The following FRS2 variants were observed in gnomAD, a reference collection of about 807,000 sequenced individuals.
FRS2 encodes the protein FGFR signalling adaptor.
In FRS2, 8 loss-of-function variants were observed where a neutral mutation model predicts 43.9. That is an observed-to-expected ratio of 0.18 (90% confidence interval 0.11 to 0.33). FRS2 has a LOEUF of 0.33. FRS2 is among the 10% of genes least tolerant of loss of function. The pLI is 1.00. For synonymous variants in FRS2, 219 were observed against 220.3 expected (o/e 0.99, Z 0.05); for missense variants, 534 against 627.6 (o/e 0.85, Z 1.59).
intron 8 of FRS2, among the ~76,000 whole-genome samples, chr12:69,572,517 C>G (rs1440844377): frequency 1.3e-5 from 2 of 152,148 alleles, no homozygotes; most frequent in Admixed American, 1.3e-4. Flanking sequence ...AGAGGTACAT[C>G]TATAGATTAA....
chr12:69,553,758 G>A (rs1879108367), intron 3 of FRS2, among the ~76,000 whole-genome samples: 1 of 152,218 alleles, frequency 6.6e-6, no homozygotes. Flanking sequence ...GTAGGTGGTA[G>A]GGAGGTGTTA....
chr12:69,534,230 A>G (rs898520496), intron 3 of FRS2, among the ~76,000 whole-genome samples: 1 of 152,240 alleles, frequency 6.6e-6, no homozygotes. Flanking sequence ...TGAACGTAAT[A>G]CACAAAAATG....
At chr12:69,526,598 A>T (rs1392338558) in intron 1 of FRS2, among the ~76,000 whole-genome samples, 1 of 152,236 alleles carries the variant, frequency 6.6e-6, no homozygotes, top group African/African-American at 2.4e-5. Flanking sequence ...AAATTAGGAA[A>T]ATTAATAGAA....
chr12:69,574,758 G>T lies in FRS2; in HGVS notation c.1330G>T (p.Gly444Cys). The change falls in exon 9 of 9, where the codon GGC becomes TGC. Residue 444 changes from glycine to cysteine, a missense_variant. Physicochemically the swap from Gly to Cys is radical, Grantham distance 159. Transcript: ENST00000549921. ...LNYIQVDLEG[G>C]SDSDNPQTPK... ...TTACATACAGGTTGACTTGGAAGGT[G>T]GCAGTGACTCTGACAACCCTCAGAC... The T allele has an allele frequency of 6.2e-7, 1 of 1,614,152 alleles. No homozygotes were observed. Among genetic ancestry groups the T allele is most frequent in the Non-Finnish European group, 8.5e-7 (1 of 1,180,020 alleles).
At chr12:69,551,679 G>A (rs1353117688) in intron 3 of FRS2, among the ~76,000 whole-genome samples, 1 of 151,876 alleles carries the variant, frequency 6.6e-6, no homozygotes, top group Non-Finnish European at 1.5e-5. Flanking sequence ...CCAGCAGTCT[G>A]CATTATGAGA....
chr12:69,539,471 A>C lies in FRS2; in HGVS notation c.-122+7415A>C, dbSNP rs536324618. On this transcript the variant is annotated intron_variant, in intron 3 of 8. Transcript: ENST00000549921. ...AGTCTAAACACAAAATTTATGTTTC[A>C]TATATGCCTTTACACATAGCCTGAA... Among the ~76,000 whole-genome samples the C allele has an allele frequency of 7.2e-5, 11 of 152,318 alleles. No homozygotes were observed. In the South Asian group the frequency reaches 1.2e-3, roughly 17 times the overall value.
At chr12:69,486,507 C>T (rs1871964040) in intron 1 of FRS2, among the ~76,000 whole-genome samples, 2 of 152,074 alleles carry the variant, frequency 1.3e-5, no homozygotes, top group Admixed American at 1.3e-4. Context: ...TTTCCTGAGA[C>T]CCTAAATATT....
chr12:69,484,886 C>T (rs1355220946), intron 1 of FRS2, among the ~76,000 whole-genome samples: 1 of 152,038 alleles, frequency 6.6e-6, no homozygotes, highest in Non-Finnish European at 1.5e-5. Context: ...TTTTACTTTT[C>T]TGTGTGTTTT....
intron 3 of FRS2, among the ~76,000 whole-genome samples, chr12:69,549,744 C>T (rs1479900953): frequency 3.9e-5 from 6 of 152,304 alleles, no homozygotes. Flanking sequence ...TTCCATATTG[C>T]TAAATATTTT....
At chr12:69,537,858 C>T (rs1877461746) in intron 3 of FRS2, 1 of 152,520 alleles carries the variant, frequency 6.6e-6, no homozygotes, top group East Asian at 1.9e-4. Context: ...GCCTTTTCAT[C>T]CTTTTTCGTC....
chr12:69,557,631 C>CGCGT (rs1555192588), intron 3 of FRS2, among the ~76,000 whole-genome samples: 1 of 121,004 alleles, frequency 8.3e-6, no homozygotes, highest in Non-Finnish European at 1.8e-5. Flanking sequence ...CGCGCGCGCG[C>CGCGT]GCGCGCAGGT....
At chr12:69,517,639 TA>T (rs113441186) in intron 1 of FRS2, among the ~76,000 whole-genome samples, 55,856 of 151,968 alleles carry the variant, frequency 0.37, 10,662 homozygotes, top group South Asian at 0.57. Context: ...AAAGGGCACA[TA>T]GGCCATTTCT....
At chr12:69,555,760 GAACA>G (rs1452430001) in intron 3 of FRS2, among the ~76,000 whole-genome samples, 2 of 152,156 alleles carry the variant, frequency 1.3e-5, no homozygotes, top group Admixed American at 6.5e-5. Context: ...TGACTATACA[GAACA>G]AACATTTTTA....
chr12:69,496,288 T>G (rs924767620), intron 1 of FRS2, among the ~76,000 whole-genome samples: 3 of 151,996 alleles, frequency 2.0e-5, no homozygotes, highest in African/African-American at 7.3e-5. Flanking sequence ...TACAAAAAAA[T>G]TAGCCGGGCG....
rs3201 is a variant in FRS2 at position 69,579,612 on chromosome 12, T to C, written c.*4657T>C. On this transcript the variant is annotated 3_prime_UTR_variant, in exon 9 of 9. Coordinates refer to ENST00000549921, the MANE Select transcript of FRS2 (RefSeq NM_001278356.2). ...GTCATTCTAGCATAAATATCCATAA[T>C]GAGGTACTCAAGTTGATACTGGAAG... 61,045 of 152,044 alleles carry C rather than the reference T, an allele frequency of 0.4. 12,921 individuals carry two copies. Among genetic ancestry groups the C allele is most frequent in the South Asian group, 0.53 (2,547 of 4,826 alleles). 9.4% of individuals were successfully genotyped at this position (152,044 alleles called of 1,614,324 possible). A position where few individuals can be genotyped will look rare whatever the true frequency, so the allele number is the denominator to read the frequency against.
At chr12:69,499,255 C>G (rs980856356) in intron 1 of FRS2, among the ~76,000 whole-genome samples, 2 of 152,054 alleles carry the variant, frequency 1.3e-5, no homozygotes, top group African/African-American at 4.8e-5. Context: ...GGACAATGAC[C>G]TTTGCAAAGG....
intron 1 of FRS2, among the ~76,000 whole-genome samples, chr12:69,513,150 TG>T (rs1436962315): frequency 1.3e-5 from 1 of 78,270 alleles, no homozygotes; most frequent in Admixed American, 1.1e-4. Context: ...GTTTGGAGTT[TG>T]TTTTTTTTTT....
chr12:69,555,875 G>A (rs1426931055), intron 3 of FRS2, among the ~76,000 whole-genome samples: 1 of 152,072 alleles, frequency 6.6e-6, no homozygotes, highest in Non-Finnish European at 1.5e-5. Flanking sequence ...TTTTCTTTGA[G>A]AATATATTTA....
chr12:69,540,593 A>G (rs1254967533), intron 3 of FRS2, among the ~76,000 whole-genome samples: 1 of 152,244 alleles, frequency 6.6e-6, no homozygotes, highest in African/African-American at 2.4e-5. Flanking sequence ...GAAGAGACAA[A>G]TCTGTACAGA....
Sources: allele counts gnomAD v4.1 joint callset (sites outside exome capture counted in the v4.1 genomes callset), GRCh38; gene constraint gnomAD v4.1.1; transcripts MANE v1.5; gene names NCBI Gene and HGNC (gene_info 2026-07-23, HGNC 2026-07-21).